STAU2: variants seen among roughly 807,000 people sequenced by gnomAD.
STAU2 encodes double-stranded RNA-binding protein Staufen homolog 2.
Under a neutral mutation model 65.9 loss-of-function variants are expected in STAU2, and 20 were observed. The ratio of observed to expected loss-of-function variants is 0.30; its 90% confidence interval spans 0.21 to 0.44. STAU2 has a LOEUF of 0.44. Among genes scored for constraint, STAU2 ranks in the 20% least tolerant of loss-of-function variants. The probability of loss-of-function intolerance (pLI) is 1.00; values close to 1 mark genes in which losing one functional copy is unlikely to be tolerated. For missense variants in STAU2, 558 were observed against 683.9 expected (o/e 0.82, Z 2.05); for synonymous variants, 232 against 233.9 (o/e 0.99, Z 0.07).
intron 13 of STAU2, among the ~76,000 whole-genome samples, chr8:73,448,803 A>T (rs1585778747): frequency 6.6e-6 from 1 of 152,198 alleles, no homozygotes; most frequent in African/African-American, 2.4e-5. Context: ...GTATGTGTTC[A>T]CCCAGCCCTT....
At chr8:73,549,534 GC>G in intron 13 of STAU2, 2 of 709,360 alleles carry the variant, frequency 2.8e-6, no homozygotes, top group Non-Finnish European at 1.7e-6. Flanking sequence ...GATCAAAGTA[GC>G]TTTTTGTAAT....
chr8:73,616,105 C>T (rs1181085926), intron 7 of STAU2, among the ~76,000 whole-genome samples: 3 of 152,138 alleles, frequency 2.0e-5, no homozygotes, highest in Admixed American at 1.3e-4. Context: ...CCACCCAACC[C>T]CCAACACCCA....
At position 73,420,777 on chromosome 8, in the gene STAU2, C is replaced by T. The variant is rs768146272; in HGVS notation, c.*595G>A. ...TTCGTATTTTTCATCAGATATCTGA[C>T]CTGATTTAAAACATGTTTGTTTGCA... On this transcript the variant is annotated 3_prime_UTR_variant, in exon 15 of 15. Coordinates refer to ENST00000524300, the MANE Select transcript of STAU2 (RefSeq NM_001164380.2). The T allele has an allele frequency of 6.4e-6, 1 of 155,610 alleles. No homozygotes were observed. Among genetic ancestry groups the T allele is most frequent in the African/African-American group, 2.4e-5 (1 of 41,470 alleles). The allele number at this position is 155,610 out of a possible 1,614,324, so 9.6% of individuals were successfully genotyped here.
intron 6 of STAU2, among the ~76,000 whole-genome samples, chr8:73,624,832 T>C (rs1205812892): frequency 6.6e-6 from 1 of 152,240 alleles, no homozygotes; most frequent in African/African-American, 2.4e-5. Context: ...TGAAGATCTC[T>C]GTACGCCAAA....
intron 12 of STAU2, among the ~76,000 whole-genome samples, chr8:73,580,621 C>T (rs1809909125): frequency 6.6e-6 from 1 of 152,216 alleles, no homozygotes; most frequent in African/African-American, 2.4e-5. Flanking sequence ...AATTAATTTT[C>T]AGCTAATTGG....
At chr8:73,636,244 G>A (rs1387012546) in intron 6 of STAU2, among the ~76,000 whole-genome samples, 1 of 152,108 alleles carries the variant, frequency 6.6e-6, no homozygotes, top group African/African-American at 2.4e-5. Context: ...GGGCATGGCA[G>A]CATGTGCCTA....
chr8:73,433,125 A>G (rs1004646795), intron 13 of STAU2, among the ~76,000 whole-genome samples: 1 of 152,216 alleles, frequency 6.6e-6, no homozygotes, highest in African/African-American at 2.4e-5. Context: ...TTGAGTGCAG[A>G]GTCCTCGCTA....
chr8:73,498,829 T>C (rs1053757764), intron 13 of STAU2, among the ~76,000 whole-genome samples: 28 of 151,856 alleles, frequency 1.8e-4, no homozygotes, highest in Admixed American at 7.2e-4. Flanking sequence ...TAAGGGAATG[T>C]GACGGTTAAT....
At chr8:73,717,208 TA>T (rs1001726404) in intron 3 of STAU2, among the ~76,000 whole-genome samples, 23 of 152,070 alleles carry the variant, frequency 1.5e-4, no homozygotes, top group African/African-American at 4.6e-4. Flanking sequence ...ACGAAAAAAA[TA>T]AAAATTTTTT....
intron 6 of STAU2, among the ~76,000 whole-genome samples, chr8:73,654,709 C>T (rs1477154983): frequency 1.7e-5 from 1 of 59,096 alleles, no homozygotes; most frequent in Non-Finnish European, 3.2e-5. Flanking sequence ...TTTTTTGAGA[C>T]GGAGTTTCGC....
At chr8:73,499,524 G>A (rs547209656) in intron 13 of STAU2, among the ~76,000 whole-genome samples, 1 of 151,984 alleles carries the variant, frequency 6.6e-6, no homozygotes, top group East Asian at 1.9e-4. Flanking sequence ...CAAGTAGGAG[G>A]AAGTCTGAGC....
chr8:73,564,357 G>C (rs764780642), intron 12 of STAU2, among the ~76,000 whole-genome samples: 4 of 152,126 alleles, frequency 2.6e-5, no homozygotes, highest in Non-Finnish European at 5.9e-5. Context: ...TGGAGCTGGA[G>C]GCCATTTTCC....
chr8:73,550,787 G>A, intron 13 of STAU2: 2 of 987,302 alleles, frequency 2.0e-6, no homozygotes, highest in African/African-American at 3.5e-5. Flanking sequence ...TTCATATTAA[G>A]AGTCCAATTA....
At chr8:73,659,309 G>A (rs909385251) in intron 6 of STAU2, among the ~76,000 whole-genome samples, 11 of 152,066 alleles carry the variant, frequency 7.2e-5, no homozygotes, top group Non-Finnish European at 1.2e-4. Context: ...AGGCTGAGGC[G>A]GGCAGATCAC....
chr8:73,747,046 G>A (rs1025038964), upstream of STAU2: 8 of 219,594 alleles, frequency 3.6e-5, no homozygotes, highest in African/African-American at 9.3e-5. Flanking sequence ...GCCTCCCGCC[G>A]GCCCGCGACC....
In STAU2 at chr8:73,615,788, T is replaced by C; in HGVS notation, c.571-6A>G. The C allele has an allele frequency of 1.3e-6, 2 of 1,592,736 alleles. No individual in the cohort carries two copies. The highest frequency in any genetic ancestry group is 1.7e-6 in the Non-Finnish European group (2 of 1,162,578). On this transcript the variant is annotated splice_polypyrimidine_tract_variant and splice_region_variant and intron_variant, in intron 7 of 14. Transcript: ENST00000524300. ...TCCTTTCCTGATTCACCATTCTAAATCACAAAAAATAGGATAACACTGAAT... is the reference window on the plus strand; with the variant it reads ...TCCTTTCCTGATTCACCATTCTAAACCACAAAAAATAGGATAACACTGAAT...
chr8:73,635,950 ACC>A (rs398008327), intron 6 of STAU2, among the ~76,000 whole-genome samples: 47,293 of 98,396 alleles, frequency 0.48, 8,408 homozygotes, highest in East Asian at 0.52. Context: ...ACACACACAC[ACC>A]CCTGGAACCA....
Position 73,699,719 on chromosome 8 carries a change from C to T in STAU2, c.114+9313G>A, listed in dbSNP as rs75951037. On this transcript the variant is annotated intron_variant, in intron 4 of 14. Transcript: ENST00000524300. The stretch of plus-strand genomic sequence containing the variant: ...AAAAGGCCAGGACCCAACAGCTTTA[C>T]TGCTGAATTCTACCAAATATTTAAA... 3.0e-3 allele frequency among the ~76,000 whole-genome samples: 449 copies of T among 152,150 alleles called. 16 individuals carry two copies. The East Asian group carries it at 0.038, about 13-fold the overall frequency.
chr8:73,453,910 C>T (rs969917650), intron 13 of STAU2, among the ~76,000 whole-genome samples: 2 of 152,160 alleles, frequency 1.3e-5, no homozygotes, highest in Admixed American at 6.5e-5. Flanking sequence ...GAAGTGACGA[C>T]TTGCTCCAGC....
Sources: allele counts gnomAD v4.1 joint callset (sites outside exome capture counted in the v4.1 genomes callset), GRCh38; gene constraint gnomAD v4.1.1; transcripts MANE v1.5; gene names NCBI Gene and HGNC (gene_info 2026-07-23, HGNC 2026-07-21).